The following CNTNAP2 variants were observed in gnomAD, a reference collection of about 807,000 sequenced individuals.
CNTNAP2 encodes the protein contactin-associated protein-like 2.
Under a neutral mutation model 155.2 loss-of-function variants are expected in CNTNAP2, and 98 were observed. That is an observed-to-expected ratio of 0.63 (90% CI 0.54 to 0.75). The LOEUF is 0.75. CNTNAP2 is among the 30% of genes least tolerant of loss of function. CNTNAP2 has a pLI of 0.00. For synonymous variants in CNTNAP2, 651 were observed against 631.2 expected (o/e 1.03, Z -0.47); for missense variants, 1,727 against 1,688.1 (o/e 1.02, Z -0.40).
At chr7:148,152,507 T>C (rs1805315148) in intron 17 of CNTNAP2, among the ~76,000 whole-genome samples, 1 of 152,136 alleles carries the variant, frequency 6.6e-6, no homozygotes, top group African/African-American at 2.4e-5. Flanking sequence ...AGTGATGTTA[T>C]CTATAAAAGC....
intron 1 of CNTNAP2, among the ~76,000 whole-genome samples, chr7:146,535,807 G>C (rs186936916): frequency 2.6e-5 from 4 of 151,678 alleles, no homozygotes; most frequent in African/African-American, 2.4e-5. Flanking sequence ...TATTGTTCCC[G>C]TATTTATGTC....
intron 1 of CNTNAP2, among the ~76,000 whole-genome samples, chr7:146,621,930 A>C (rs1388986917): frequency 6.6e-6 from 1 of 152,188 alleles, no homozygotes; most frequent in South Asian, 2.1e-4. Context: ...TTATGGACAC[A>C]TGAAATTTGA....
intron 13 of CNTNAP2, among the ~76,000 whole-genome samples, chr7:147,886,604 C>T (rs75034102): frequency 0.04 from 5,946 of 150,484 alleles, 378 homozygotes; most frequent in African/African-American, 0.14. Context: ...AACCAGGGTG[C>T]TACTGGCATT....
chr7:147,884,175 T>A (rs983302748), intron 13 of CNTNAP2, among the ~76,000 whole-genome samples: 1 of 152,146 alleles, frequency 6.6e-6, no homozygotes, highest in African/African-American at 2.4e-5. Context: ...GGGAATGTGC[T>A]TGGGTGTTTA....
chr7:146,203,213 C>A (rs185296541), intron 1 of CNTNAP2, among the ~76,000 whole-genome samples: 1 of 152,302 alleles, frequency 6.6e-6, no homozygotes, highest in Non-Finnish European at 1.5e-5. Context: ...CTAACACTAT[C>A]CATCTGGAGT....
At chr7:146,531,115 A>G (rs1361583764) in intron 1 of CNTNAP2, among the ~76,000 whole-genome samples, 1 of 152,210 alleles carries the variant, frequency 6.6e-6, no homozygotes, top group Non-Finnish European at 1.5e-5. Flanking sequence ...GAATTGACAC[A>G]GGAACACAAA....
chr7:146,137,387 A>T (rs1438389136), intron 1 of CNTNAP2, among the ~76,000 whole-genome samples: 5 of 152,172 alleles, frequency 3.3e-5, no homozygotes, highest in Non-Finnish European at 7.4e-5. Context: ...ACATGAAAAT[A>T]GGACTGTTTC....
At chr7:147,990,879 A>C (rs1006347835) in intron 15 of CNTNAP2, among the ~76,000 whole-genome samples, 3 of 152,070 alleles carry the variant, frequency 2.0e-5, no homozygotes, top group Non-Finnish European at 4.4e-5. Flanking sequence ...ATTAAATATA[A>C]TGTTTAGCCC....
At chr7:147,563,642 T>TAAATAAATA (rs1800110958) in intron 12 of CNTNAP2, among the ~76,000 whole-genome samples, 1 of 151,730 alleles carries the variant, frequency 6.6e-6, no homozygotes, top group Non-Finnish European at 1.5e-5. Context: ...AATAAATAAA[T>TAAATAAATA]AAATAAATAA....
chr7:147,983,439 A>G (rs1278403117), intron 15 of CNTNAP2, among the ~76,000 whole-genome samples: 1 of 134,726 alleles, frequency 7.4e-6, no homozygotes, highest in African/African-American at 2.7e-5. Flanking sequence ...TTGACAAAAA[A>G]AAAATAAAAA....
chr7:147,806,810 G>C (rs905559836), intron 13 of CNTNAP2, among the ~76,000 whole-genome samples: 2 of 152,120 alleles, frequency 1.3e-5, no homozygotes, highest in Admixed American at 1.3e-4. Context: ...ATCTCATGGA[G>C]GTAGAGAGTA....
Position 147,974,982 on chromosome 7 carries a change from A to G in CNTNAP2, c.2256-2880A>G, listed in dbSNP as rs12670244. 3.4e-5 allele frequency among the ~76,000 whole-genome samples: 5 copies of G among 147,056 alleles called. No individual in the cohort carries two copies. In the East Asian group the frequency reaches 8.5e-4, roughly 25 times the overall value. ...TATAATACAATCTTTTGTATTATAT[A>G]ATACAAATACATGCAACATGTATTA... On this transcript the variant is annotated intron_variant, in intron 14 of 23. Transcript: ENST00000361727.
intron 8 of CNTNAP2, among the ~76,000 whole-genome samples, chr7:147,241,167 TAAC>T (rs1030038411): frequency 7.2e-5 from 11 of 152,302 alleles, no homozygotes; most frequent in South Asian, 4.1e-4. Flanking sequence ...AGTCAATCTT[TAAC>T]AACGTTTCTC....
intron 1 of CNTNAP2, among the ~76,000 whole-genome samples, chr7:146,118,825 T>A (rs1797523244): frequency 6.6e-6 from 1 of 152,190 alleles, no homozygotes; most frequent in Non-Finnish European, 1.5e-5. Flanking sequence ...CATTAAGATT[T>A]TTTATTAACT....
At chr7:146,371,201 G>A (rs1476013526) in intron 1 of CNTNAP2, among the ~76,000 whole-genome samples, 1 of 151,652 alleles carries the variant, frequency 6.6e-6, no homozygotes, top group South Asian at 2.1e-4. Context: ...GACTACCCTT[G>A]CAAAATGTTA....
intron 14 of CNTNAP2, among the ~76,000 whole-genome samples, chr7:147,950,979 C>A (rs1358976309): frequency 1.3e-5 from 2 of 152,198 alleles, no homozygotes; most frequent in African/African-American, 4.8e-5. Flanking sequence ...ACAAGGTGCT[C>A]CTCTTCATCC....
intron 1 of CNTNAP2, among the ~76,000 whole-genome samples, chr7:146,173,349 G>A (rs1798422440): frequency 6.6e-6 from 1 of 151,826 alleles, no homozygotes; most frequent in South Asian, 2.1e-4. Context: ...TTTTCTCCAG[G>A]TGTTTTTAAT....
intron 22 of CNTNAP2, among the ~76,000 whole-genome samples, chr7:148,394,555 T>G (rs1799424035): frequency 6.6e-6 from 1 of 152,200 alleles, no homozygotes; most frequent in South Asian, 2.1e-4. Flanking sequence ...GTTTAAAATT[T>G]TTACTGGGAT....
intron 1 of CNTNAP2, among the ~76,000 whole-genome samples, chr7:146,468,271 T>TGAC (rs1486763444): frequency 1.3e-5 from 2 of 152,064 alleles, no homozygotes; most frequent in Non-Finnish European, 2.9e-5. Flanking sequence ...GACAATAAAG[T>TGAC]GACGACTACT....
Sources: gnomAD v4.1 joint callset for allele counts (sites outside exome capture counted in the v4.1 genomes callset) on GRCh38, gnomAD v4.1.1 for gene constraint, MANE v1.5 for transcripts, NCBI Gene and HGNC (gene_info 2026-07-23, HGNC 2026-07-21) for gene names.